The following CENPT variants were observed in gnomAD, a reference collection of about 807,000 sequenced individuals.
The protein encoded by CENPT is centromere protein T.
Under a neutral mutation model 59.7 loss-of-function variants are expected in CENPT, and 42 were observed. The observed-to-expected ratio is 0.70, with a 90% confidence interval of 0.55 to 0.91. CENPT has a LOEUF of 0.91. Ranked by LOEUF, CENPT falls within the 40% of genes least tolerant of loss-of-function variation. The pLI is 0.00. For missense variants in CENPT, 716 were observed against 713.4 expected (o/e 1.00, Z -0.04); for synonymous variants, 295 against 289.6 (o/e 1.02, Z -0.19).
At position 67,831,176 on chromosome 16, in the gene CENPT, A is replaced by G. The variant is rs139395964; in HGVS notation, c.703+40T>C. 1.2e-5 allele frequency: 20 copies of G among 1,612,890 alleles called. No homozygotes were observed. The Admixed American group carries it at 1.3e-4, about 11-fold the overall frequency. On this transcript the variant is annotated intron_variant, in intron 10 of 15. Transcript: ENST00000562787. ...ACCTCCTATCTGTCATAGCGGGGAG[A>G]GCTTTCCCCAAAGGCCAGCAGGGGA...
In CENPT at chr16:67,840,609, A is replaced by C. The variant is rs903853409; in HGVS notation, c.-491-4951T>G. ...AATTGCGGGGGGCGGGAGGAGGGAG[A>C]GGAACAGAAAAGATAACTATTGGGT... On this transcript the variant is annotated intron_variant, in intron 1 of 15. Coordinates refer to ENST00000562787, the MANE Select transcript of CENPT (RefSeq NM_025082.4). Among the ~76,000 whole-genome samples the C allele has an allele frequency of 5.9e-5, 9 of 152,222 alleles. 1 individual carries two copies. The South Asian group carries it at 6.2e-4, about 11-fold the overall frequency.
At chr16:67,840,823 C>T (rs1161204358) in intron 1 of CENPT, among the ~76,000 whole-genome samples, 1 of 151,664 alleles carries the variant, frequency 6.6e-6, no homozygotes, top group Non-Finnish European at 1.5e-5. Context: ...CTGCCTGGCC[C>T]CTCCCTGGCT....
chr16:67,830,869 T>G (rs536519510), intron 10 of CENPT: 1 of 509,774 alleles, frequency 2.0e-6, no homozygotes, highest in East Asian at 3.5e-5. Context: ...ACCCTCTTCT[T>G]ACTCTGGTGA....
In CENPT at chr16:67,833,787, G is replaced by A. The variant is rs1354286201; in HGVS notation, c.73C>T (p.Pro25Ser). Residue 25 changes from proline to serine, a missense_variant, in exon 4 of 16, where the codon CCG becomes TCG. By Grantham distance (74) the Pro-to-Ser change is moderately conservative. Coordinates refer to ENST00000562787, the MANE Select transcript of CENPT (RefSeq NM_025082.4). ...CTCCGGGGTCGCCGCGGGGTGCGCG[G>A]GTCCGCTGTATCCAGCACGCGTCGC... is the stretch of plus-strand genomic sequence containing the variant. Reference protein sequence around the residue: ...LLRRVLDTADPRTPRRPRSAR... With the variant: ...LLRRVLDTADSRTPRRPRSAR... The A allele has an allele frequency of 6.4e-7, 1 of 1,568,920 alleles. No homozygotes were observed. Among genetic ancestry groups the A allele is most frequent in the East Asian group, 2.5e-5 (1 of 39,844 alleles).
intron 6 of CENPT, 34 bp downstream of exon 6, chr16:67,832,194 C>A (rs1392336919): frequency 1.2e-5 from 20 of 1,612,116 alleles, no homozygotes; most frequent in Non-Finnish European, 1.4e-5. Flanking sequence ...TGGACTGGTA[C>A]CTAACTCTGA....
chr16:67,841,902 C>G (rs543350986), intron 1 of CENPT: 1 of 152,394 alleles, frequency 6.6e-6, no homozygotes, highest in South Asian at 2.1e-4. Context: ...CTGGTTCTGG[C>G]AAACAGCACA....
In CENPT at chr16:67,829,433, C is replaced by G. The variant is rs2151283425; in HGVS notation, c.1270G>C (p.Gly424Arg). 6.3e-7 allele frequency: 1 copy of G among 1,585,000 alleles called. No individual in the cohort carries two copies. Among genetic ancestry groups the G allele is most frequent in the African/African-American group, 1.4e-5 (1 of 72,948 alleles). The change falls in exon 13 of 16, where the codon GGT (glycine) becomes CGT (arginine). Residue 424 changes from glycine to arginine, a missense_variant. Coordinates refer to ENST00000562787, the MANE Select transcript of CENPT (RefSeq NM_025082.4). ...HQFLEPAPAP[G>R]AAVLSSEPAE... ...GTTGTGGGATCTTACACTGCAGCAC[C>G]AGGCGCTGGGGCTGGCTCAAGAAAC...
intron 1 of CENPT, among the ~76,000 whole-genome samples, chr16:67,839,645 G>T (rs1354795100): frequency 6.6e-6 from 1 of 152,034 alleles, no homozygotes; most frequent in Non-Finnish European, 1.5e-5. Flanking sequence ...GGCCGAGGTG[G>T]GTGGATCACC....
chr16:67,832,156 T>G, intron 6 of CENPT, 48 bp from the exon 7 acceptor site: 2 of 1,607,822 alleles, frequency 1.2e-6, no homozygotes, highest in South Asian at 2.2e-5. Context: ...CAGGCCACCC[T>G]GAATAAAAGA....
rs767277444 is a variant in CENPT, at chr16:67,843,355, C to T, written c.-492+4046G>A. 6 of 1,613,972 alleles carry T rather than the reference C, an allele frequency of 3.7e-6. No individual in the cohort carries two copies. In the South Asian group the frequency reaches 5.5e-5, roughly 15 times the overall value. On this transcript the variant is annotated intron_variant, in intron 1 of 15. Transcript: ENST00000562787. This position sits in a 1 kb window ranked among gnomAD's most constrained non-coding sequence, Gnocchi z 5.7. ...GCAAGCTGAATGAGCAGCGGGACAT[C>T]CTGGCTCTGATGGAAGTGAAGATGA...
In CENPT at chr16:67,833,985, C is replaced by CG; in HGVS notation, c.-127dup. On this transcript the variant is annotated 5_prime_UTR_variant, in exon 4 of 16. Transcript: ENST00000562787. The stretch of plus-strand genomic sequence containing the variant: ...ACGGGAATTGTAGTTCTCGCACTAT[C>CG]GCAGCTCGCGGGGTGGACAGTGATG... 1 of 613,758 alleles carries CG rather than the reference C, an allele frequency of 1.6e-6. No homozygotes were observed. The highest frequency in any genetic ancestry group is 2.6e-6 in the Non-Finnish European group (1 of 386,982). The allele number at this position is 613,758 out of a possible 1,614,324, so 38.0% of individuals were successfully genotyped here. A position where few individuals can be genotyped will look rare whatever the true frequency, so the allele number is the denominator to read the frequency against.
At chr16:67,841,010 CATATATATATATATATAT>C (rs66882634) in intron 1 of CENPT, among the ~76,000 whole-genome samples, 33 of 109,384 alleles carry the variant, frequency 3.0e-4, no homozygotes, top group Middle Eastern at 5.0e-3. Context: ...ATACAAAATA[CATATATATATATATATAT>C]ATATATATAT....
chr16:67,846,136 G>C (rs1268744474), intron 1 of CENPT, among the ~76,000 whole-genome samples: 1 of 152,224 alleles, frequency 6.6e-6, no homozygotes, highest in Non-Finnish European at 1.5e-5. Flanking sequence ...AAGGGCAATG[G>C]GTAGGAAGAG....
intron 1 of CENPT, 123 bp downstream of exon 1, chr16:67,847,278 T>C (rs1479996240): frequency 6.6e-6 from 1 of 152,278 alleles, no homozygotes; most frequent in Non-Finnish European, 1.5e-5. Flanking sequence ...TTTTCTCTAG[T>C]CAGGACCGTC....
Position 67,842,371 on chromosome 16 carries a change from G to T in CENPT, c.-492+5030C>A. 3.9e-6 allele frequency: 1 copy of T among 254,704 alleles called. No individual in the cohort carries two copies. Among genetic ancestry groups the T allele is most frequent in the Non-Finnish European group, 6.7e-6 (1 of 148,418 alleles). The allele number at this position is 254,704 out of a possible 1,614,324, so 15.8% of individuals were successfully genotyped here. A position where few individuals can be genotyped will look rare whatever the true frequency, so the allele number is the denominator to read the frequency against. The stretch of plus-strand genomic sequence containing the variant: ...CAGCCAGGCGGGCGGCGCGGCGCGG[G>T]CCGGCAGGAAGCGTATTCTGGGCAC... On this transcript the variant is annotated intron_variant, in intron 1 of 15. Transcript: ENST00000562787. This position sits in a 1 kb window ranked among gnomAD's most constrained non-coding sequence, Gnocchi z 4.9.
At chr16:67,834,935 G>C (rs1321346093) in intron 3 of CENPT, among the ~76,000 whole-genome samples, 1 of 152,106 alleles carries the variant, frequency 6.6e-6, no homozygotes, top group Non-Finnish European at 1.5e-5. Flanking sequence ...TCCACCTCCT[G>C]GGTTCAAGCG....
chr16:67,847,212 A>C (rs1299962548), intron 1 of CENPT, 189 bp downstream of exon 1: 1 of 151,838 alleles, frequency 6.6e-6, no homozygotes, highest in African/African-American at 2.4e-5. Flanking sequence ...CCGGGCGCCT[A>C]TCTGGGCCGT....
intron 1 of CENPT, among the ~76,000 whole-genome samples, chr16:67,839,308 C>A (rs1009037144): frequency 2.0e-5 from 3 of 151,088 alleles, no homozygotes; most frequent in Admixed American, 6.6e-5. Flanking sequence ...TTGCTTGAAC[C>A]CTGAAGTGGA....
In CENPT at chr16:67,831,861, G is replaced by A. The variant is rs775380845; in HGVS notation, c.416C>T (p.Pro139Leu). The change falls in exon 8 of 16, where the codon CCC becomes CTC. Residue 139 changes from proline (P) to leucine (L), a missense_variant. Pro to Leu is a moderately conservative substitution (Grantham distance 98). Transcript: ENST00000562787. Reference protein sequence around the residue: ...SLELQLPELEPPTTLAPGLLA... With the variant: ...SLELQLPELELPTTLAPGLLA... ...CAGACCTGGAGCCAGGGTTGTGGGGGGCTCGAGCTCAGGAAGTTGCAGCTC... is the reference window on the plus strand; with the variant it reads ...CAGACCTGGAGCCAGGGTTGTGGGGAGCTCGAGCTCAGGAAGTTGCAGCTC... The A allele has an allele frequency of 6.2e-7, 1 of 1,611,716 alleles. No individual in the cohort carries two copies. Among genetic ancestry groups the A allele is most frequent in the South Asian group, 1.1e-5 (1 of 90,742 alleles).
Sources: allele counts gnomAD v4.1 joint callset (sites outside exome capture counted in the v4.1 genomes callset), GRCh38; gene constraint gnomAD v4.1.1; non-coding constraint Gnocchi (gnomAD v3.1); transcripts MANE v1.5; gene names NCBI Gene and HGNC (gene_info 2026-07-23, HGNC 2026-07-21).